HOOK2: variants seen among roughly 807,000 people sequenced by gnomAD.
The protein encoded by HOOK2 is protein Hook homolog 2.
In HOOK2, 108 loss-of-function variants were observed where a neutral mutation model predicts 111.9. The observed-to-expected ratio is 0.96, with a 90% CI of 0.83 to 1.13. The LOEUF (loss-of-function observed/expected upper bound fraction) is 1.13. Ranked by LOEUF, HOOK2 falls within the 50% of genes most tolerant of loss-of-function variation. The probability of loss-of-function intolerance (pLI) is 0.00; values close to 1 mark genes in which losing one functional copy is unlikely to be tolerated. For missense variants in HOOK2, 978 were observed against 951.3 expected, an observed-to-expected ratio of 1.03 and a Z score of -0.37; for synonymous variants, 405 against 394.3, an observed-to-expected ratio of 1.03 and a Z score of -0.32.
upstream of HOOK2, among the ~76,000 whole-genome samples, chr19:12,775,938 G>A (rs1968495997): frequency 7.3e-6 from 1 of 137,108 alleles, no homozygotes; most frequent in South Asian, 2.3e-4. Flanking sequence ...GTGCAGTGGC[G>A]CAATCTCGGC....
intron 18 of HOOK2, 180 bp from the exon 19 acceptor site, chr19:12,765,261 G>A: frequency 1.6e-6 from 1 of 642,596 alleles, no homozygotes; most frequent in South Asian, 1.9e-5. Context: ...ACAGCTGTCA[G>A]AGCCACAACC....
At chr19:12,775,664 G>T, upstream of HOOK2, 1 of 395,832 alleles carries the variant, frequency 2.5e-6, no homozygotes, top group Non-Finnish European at 4.0e-6. Flanking sequence ...CTCCAGCCCC[G>T]CCATCTTGGA....
At chr19:12,792,084 C>A (rs1464567544) in intron 3 of HOOK2, 5 of 1,604,130 alleles carry the variant, frequency 3.1e-6, no homozygotes, top group African/African-American at 2.7e-5. Flanking sequence ...GACGCCTACA[C>A]CCCCGGGACA....
chr19:12,791,820 G>A lies in HOOK2; in HGVS notation n.42-17595C>T, dbSNP rs1205150783. The A allele has an allele frequency of 1.2e-6, 2 of 1,613,636 alleles. No homozygotes were observed. The highest frequency in any genetic ancestry group is 1.7e-6 in the Non-Finnish European group (2 of 1,179,858). On this transcript the variant is annotated intron_variant and non_coding_transcript_variant, in intron 3 of 3. Coordinates refer to the HOOK2 transcript ENST00000589765. The surrounding 1 kb of genome is among the most constrained non-coding windows in gnomAD (Gnocchi z 7.0). ...CTTCTACCACGACGACTCATACACA[G>A]CTACGGGATACGGCCGGGCCCCTGG...
intron 3 of HOOK2, 121 bp downstream of exon 3, chr19:12,774,548 A>G: frequency 1.1e-6 from 1 of 943,458 alleles, no homozygotes; most frequent in East Asian, 2.5e-5. Flanking sequence ...TGGATGAACA[A>G]ATGGTTGATC....
intron 15 of HOOK2, 25 bp downstream of exon 15, chr19:12,766,078 C>A: frequency 6.2e-7 from 1 of 1,603,402 alleles, no homozygotes; most frequent in Non-Finnish European, 8.5e-7. Flanking sequence ...CCCTGCTCCG[C>A]GCAGGTAGGT....
chr19:12,766,350 A>G, intron 14 of HOOK2, 110 bp from the exon 15 acceptor site: 2 of 1,340,978 alleles, frequency 1.5e-6, no homozygotes, highest in South Asian at 3.0e-5. Context: ...GGAAGAGCCC[A>G]GCCAGACCAT....
chr19:12,768,948 C>A (rs1968234549), intron 11 of HOOK2, among the ~76,000 whole-genome samples: 1 of 151,748 alleles, frequency 6.6e-6, no homozygotes, highest in Non-Finnish European at 1.5e-5. Flanking sequence ...CAGGCGCGCG[C>A]CACCAGCCCG....
intron 6 of HOOK2, 148 bp from the exon 7 acceptor site, chr19:12,772,400 C>A: frequency 9.5e-7 from 1 of 1,055,546 alleles, no homozygotes; most frequent in Non-Finnish European, 1.4e-6. Flanking sequence ...CTCCTGCCTC[C>A]AACACAGAGG....
rs777789302 is a variant in HOOK2 at position 12,774,771 on chromosome 19, TG to T, written c.132-31del. The T allele has an allele frequency of 2.0e-5, 33 of 1,613,232 alleles. No individual in the cohort carries two copies. In the South Asian group the frequency reaches 3.3e-4, roughly 16 times the overall value. Reference sequence around the variant, plus strand: ...GGGCGAGAAGGTGGGATGAGCAGACTGGGGGACACTTTTGGGATCCTCCCCT... The same window carrying T: ...GGGCGAGAAGGTGGGATGAGCAGACTGGGGACACTTTTGGGATCCTCCCCT... On this transcript the variant is annotated intron_variant, in intron 2 of 22. Coordinates refer to ENST00000397668, the MANE Select transcript of HOOK2 (RefSeq NM_013312.3).
chr19:12,773,833 C>T (rs1271070822), intron 3 of HOOK2: 1 of 152,918 alleles, frequency 6.5e-6, no homozygotes, highest in Admixed American at 6.5e-5. Flanking sequence ...TGCCAGGCCC[C>T]TGATGACCTC....
chr19:12,772,547 C>G, intron 6 of HOOK2, 66 bp downstream of exon 6: 1 of 1,547,376 alleles, frequency 6.5e-7, no homozygotes, highest in Non-Finnish European at 8.9e-7. Context: ...GTGCCCAGTT[C>G]TCTCTGCCCT....
rs529309167 is a variant in HOOK2, at chr19:12,786,276, C to T, written n.42-12051G>A. 7.4e-4 allele frequency among the ~76,000 whole-genome samples: 113 copies of T among 152,054 alleles called. No individual in the cohort carries two copies. The highest frequency in any genetic ancestry group is 1.4e-3 in the Non-Finnish European group (97 of 67,978). On this transcript the variant is annotated intron_variant and non_coding_transcript_variant, in intron 3 of 3. Transcript: ENST00000589765. The surrounding 1 kb of genome is among the most constrained non-coding windows in gnomAD (Gnocchi z 4.3). ...CTGTGTGCTGCGATTTGTGGGTTCT[C>T]GCCCTGGCCTGCCCACTGGCTGACT...
intron 3 of HOOK2, among the ~76,000 whole-genome samples, chr19:12,773,602 C>T (rs1968403783): frequency 6.6e-6 from 1 of 152,112 alleles, no homozygotes; most frequent in Non-Finnish European, 1.5e-5. Context: ...TCACCACCTG[C>T]CCCACCATCC....
chr19:12,780,385 C>G (rs1181818299), upstream of HOOK2, among the ~76,000 whole-genome samples: 1 of 151,860 alleles, frequency 6.6e-6, no homozygotes, highest in South Asian at 2.1e-4. Flanking sequence ...GAGACGGAGT[C>G]TCACTCTGTC....
chr19:12,767,345 G>T, intron 14 of HOOK2, 50 bp downstream of exon 14: 1 of 1,504,480 alleles, frequency 6.6e-7, no homozygotes, highest in Non-Finnish European at 9.3e-7. Context: ...GCTGAGGGCG[G>T]GCCTTGGCAA....
intron 14 of HOOK2, 124 bp from the exon 15 acceptor site, chr19:12,766,364 G>A: frequency 3.2e-6 from 4 of 1,246,944 alleles, no homozygotes; most frequent in Admixed American, 3.0e-5. Context: ...AGACCATGGG[G>A]TTGGAGCACC....
At chr19:12,785,474 CACACACAAACACACAT>C in intron 3 of HOOK2, among the ~76,000 whole-genome samples, 1 of 152,284 alleles carries the variant, frequency 6.6e-6, no homozygotes, top group South Asian at 2.1e-4. Flanking sequence ...CCACAGACCA[CACACACAAACACACAT>C]ACACACCGAC....
In HOOK2 at chr19:12,791,126, T is replaced by C. The variant is rs1279787827; in HGVS notation, n.42-16901A>G. The stretch of plus-strand genomic sequence containing the variant: ...GGTACCTCAGGGGTTTCTTCGCACA[T>C]ACTGGGACCCTCACCCCACTTGCTG... On this transcript the variant is annotated intron_variant and non_coding_transcript_variant, in intron 3 of 3. Transcript: ENST00000589765. This position sits in a 1 kb window ranked among gnomAD's most constrained non-coding sequence, Gnocchi z 7.0. Among the ~76,000 whole-genome samples, 1 of 152,190 alleles carries C rather than the reference T, an allele frequency of 6.6e-6. No homozygotes were observed. The highest frequency in any genetic ancestry group is 2.4e-5 in the African/African-American group (1 of 41,438).
Sources: gnomAD v4.1 joint callset for allele counts (sites outside exome capture counted in the v4.1 genomes callset) on GRCh38, gnomAD v4.1.1 for gene constraint, Gnocchi (gnomAD v3.1) non-coding constraint, MANE v1.5 for transcripts, NCBI Gene and HGNC (gene_info 2026-07-23, HGNC 2026-07-21) for gene names.